The following CLEC16A variants were observed in gnomAD, a reference collection of about 807,000 sequenced individuals.
CLEC16A encodes protein CLEC16A.
A neutral mutation model predicts 109.5 loss-of-function variants in CLEC16A; 51 were observed. The observed-to-expected ratio is 0.47, with a 90% CI of 0.37 to 0.59. The LOEUF is 0.59. Among genes scored for constraint, CLEC16A ranks in the 20% least tolerant of loss-of-function variants. The pLI is 0.00. For missense variants in CLEC16A, 1,339 were observed against 1,394.0 expected (o/e 0.96, Z 0.63); for synonymous variants, 673 against 564.2 (o/e 1.19, Z -2.73).
chr16:11,172,186 A>G (rs747411456), intron 23 of CLEC16A, among the ~76,000 whole-genome samples: 16 of 152,176 alleles, frequency 1.1e-4, no homozygotes, highest in Non-Finnish European at 2.1e-4. Flanking sequence ...AAATGGACTT[A>G]CATAGTCACA....
chr16:10,968,477 A>G (rs1184459257), intron 3 of CLEC16A, among the ~76,000 whole-genome samples: 1 of 152,154 alleles, frequency 6.6e-6, no homozygotes, highest in East Asian at 1.9e-4. Context: ...CTCATCACCC[A>G]GTTTTCATTG....
intron 4 of CLEC16A, 123 bp downstream of exon 4, chr16:10,969,432 T>G (rs1254637398): frequency 1.6e-6 from 1 of 636,230 alleles, no homozygotes; most frequent in East Asian, 3.4e-5. Flanking sequence ...CTTATATGCT[T>G]GTTATGATTT....
At chr16:11,170,592 A>G (rs537904486) in intron 23 of CLEC16A, among the ~76,000 whole-genome samples, 3 of 152,234 alleles carry the variant, frequency 2.0e-5, no homozygotes, top group East Asian at 1.9e-4. Flanking sequence ...GATCCAAGAG[A>G]TCTCTCCACC....
At chr16:11,112,318 G>A (rs2153004469) in intron 19 of CLEC16A, among the ~76,000 whole-genome samples, 1 of 152,216 alleles carries the variant, frequency 6.6e-6, no homozygotes, top group South Asian at 2.1e-4. Flanking sequence ...TGGGAACCTA[G>A]GAATGTGTTA....
intron 10 of CLEC16A, among the ~76,000 whole-genome samples, chr16:10,995,145 T>G (rs890712235): frequency 1.3e-5 from 2 of 152,196 alleles, no homozygotes; most frequent in Non-Finnish European, 2.9e-5. Context: ...CACTGAGTAT[T>G]CAGGATGGCT....
At chr16:11,111,988 T>C (rs2051620271) in intron 19 of CLEC16A, among the ~76,000 whole-genome samples, 1 of 152,252 alleles carries the variant, frequency 6.6e-6, no homozygotes, top group African/African-American at 2.4e-5. Context: ...CAAAAGCTTC[T>C]AAACACTCCG....
chr16:10,951,197 G>A, intron 1 of CLEC16A, among the ~76,000 whole-genome samples: 1 of 152,170 alleles, frequency 6.6e-6, no homozygotes, highest in East Asian at 1.9e-4. Context: ...TTCAAACTCT[G>A]AAGCTCATCT....
At chr16:11,127,646 A>T (rs992259850) in intron 22 of CLEC16A, among the ~76,000 whole-genome samples, 3 of 152,166 alleles carry the variant, frequency 2.0e-5, no homozygotes, top group Non-Finnish European at 4.4e-5. Context: ...GACAAGGCGG[A>T]TTGCTTGAGC....
At chr16:10,950,946 G>C (rs1039216132) in intron 1 of CLEC16A, among the ~76,000 whole-genome samples, 2 of 152,232 alleles carry the variant, frequency 1.3e-5, no homozygotes, top group Non-Finnish European at 2.9e-5. Flanking sequence ...TATGGTGCAA[G>C]GCATAGCACG....
Position 11,030,708 on chromosome 16 carries a change from A to C in CLEC16A, c.1537+5787A>C, listed in dbSNP as rs183553857. ...TGCCCAGGCCAGAATGCAATGGTGC[A>C]ATCTTGGCTCGCTGCAACCTCCGCC... On this transcript the variant is annotated intron_variant, in intron 13 of 23. Transcript: ENST00000409790. Among the ~76,000 whole-genome samples the C allele has an allele frequency of 1.4e-3, 216 of 152,244 alleles. 1 individual carries two copies. Among genetic ancestry groups the C allele is most frequent in the African/African-American group, 4.9e-3 (203 of 41,552 alleles).
At chr16:11,018,298 A>G (rs1421645606) in intron 11 of CLEC16A, among the ~76,000 whole-genome samples, 1 of 151,856 alleles carries the variant, frequency 6.6e-6, no homozygotes, top group Non-Finnish European at 1.5e-5. Context: ...AGAAAAAAAA[A>G]AAAAAAACAG....
intron 19 of CLEC16A, among the ~76,000 whole-genome samples, chr16:11,097,555 CAG>C (rs1448293755): frequency 2.6e-5 from 4 of 152,160 alleles, no homozygotes; most frequent in African/African-American, 9.7e-5. Context: ...AGCACCGACA[CAG>C]AACTGAGTTC....
intron 19 of CLEC16A, among the ~76,000 whole-genome samples, chr16:11,095,227 C>T (rs1388648437): frequency 6.6e-6 from 1 of 151,658 alleles, no homozygotes; most frequent in Non-Finnish European, 1.5e-5. Flanking sequence ...TTTTCTAGGT[C>T]GTGCTTTTAG....
At chr16:10,991,071 C>T (rs908054219) in intron 10 of CLEC16A, among the ~76,000 whole-genome samples, 8 of 152,078 alleles carry the variant, frequency 5.3e-5, no homozygotes, top group Admixed American at 3.3e-4. Context: ...CCTTGACCTC[C>T]AGGAACTTGG....
intron 19 of CLEC16A, among the ~76,000 whole-genome samples, chr16:11,119,629 C>A (rs569326032): frequency 6.6e-6 from 1 of 151,848 alleles, no homozygotes; most frequent in Admixed American, 6.6e-5. Flanking sequence ...TGAGCTGAAG[C>A]GATCCTCCCT....
intron 19 of CLEC16A, among the ~76,000 whole-genome samples, chr16:11,075,400 G>GTC (rs1181643759): frequency 8.9e-4 from 121 of 136,268 alleles, no homozygotes; most frequent in African/African-American, 2.4e-3. Context: ...GTGTGTGTGT[G>GTC]TGTGTGTGTG....
chr16:11,004,907 G>T (rs1327912893), intron 11 of CLEC16A, among the ~76,000 whole-genome samples: 4 of 152,152 alleles, frequency 2.6e-5, no homozygotes, highest in African/African-American at 7.2e-5. Context: ...GGAGGGGAAG[G>T]CCAAACCCAA....
chr16:11,037,860 G>A (rs1661841359), intron 13 of CLEC16A, among the ~76,000 whole-genome samples: 1 of 147,826 alleles, frequency 6.8e-6, no homozygotes, highest in Admixed American at 7.0e-5. Flanking sequence ...GAGATGTTAG[G>A]ACAGTGTTAA....
chr16:11,105,613 T>C (rs2051169311), intron 19 of CLEC16A, among the ~76,000 whole-genome samples: 1 of 152,216 alleles, frequency 6.6e-6, no homozygotes, highest in Admixed American at 6.5e-5. Flanking sequence ...GAAGTAGCTG[T>C]GGAAAACCCC....
Sources: gnomAD v4.1 joint callset for allele counts (sites outside exome capture counted in the v4.1 genomes callset) on GRCh38, gnomAD v4.1.1 for gene constraint, MANE v1.5 for transcripts, NCBI Gene and HGNC (gene_info 2026-07-23, HGNC 2026-07-21) for gene names.